AGO3: variants seen among roughly 807,000 people sequenced by gnomAD.
AGO3 encodes the protein argonaute RISC catalytic component 3.
A neutral mutation model predicts 105.5 loss-of-function variants in AGO3; 16 were observed. The observed-to-expected ratio is 0.15, with a 90% CI of 0.10 to 0.23. The LOEUF (loss-of-function observed/expected upper bound fraction) is 0.23. Among genes scored for constraint, AGO3 ranks in the 10% least tolerant of loss-of-function variants. The pLI, the probability that AGO3 is intolerant of heterozygous loss-of-function variation, is 1.00. For synonymous variants in AGO3, 340 were observed against 367.3 expected (o/e 0.93, Z 0.85); for missense variants, 534 against 1,088.0 (o/e 0.49, Z 7.16).
chr1:35,945,213 C>CTTTTCT (rs1646339879), intron 1 of AGO3, among the ~76,000 whole-genome samples: 1 of 145,752 alleles, frequency 6.9e-6, no homozygotes, highest in African/African-American at 2.5e-5. Context: ...CTTTTCTTTT[C>CTTTTCT]TTTTTTTTTT....
rs921282797 is a variant in AGO3 at position 36,055,989 on chromosome 1, C to T, written c.*244C>T. 1.2e-5 allele frequency: 4 copies of T among 338,616 alleles called. No homozygotes were observed. Among genetic ancestry groups the T allele is most frequent in the African/African-American group, 6.3e-5 (3 of 47,358 alleles). 21.0% of individuals were successfully genotyped at this position (338,616 alleles called of 1,614,324 possible). On this transcript the variant is annotated 3_prime_UTR_variant, in exon 19 of 19. Coordinates refer to ENST00000373191, the MANE Select transcript of AGO3 (RefSeq NM_024852.4). The surrounding 1 kb of genome is among the most constrained non-coding windows in gnomAD (Gnocchi z 4.4). Reference sequence around the variant, plus strand: ...TTGTGCGGTCTCCTATAGGAAGTATCGCAATTGTTTTGTTTTCATTTCTTG... The same window carrying T: ...TTGTGCGGTCTCCTATAGGAAGTATTGCAATTGTTTTGTTTTCATTTCTTG...
intron 3 of AGO3, among the ~76,000 whole-genome samples, chr1:35,969,152 A>AT (rs1169328895): frequency 2.0e-5 from 3 of 150,816 alleles, no homozygotes; most frequent in South Asian, 2.1e-4. Flanking sequence ...TAGATTTTTT[A>AT]TTTTTTTTAG....
rs1642925367 is a variant in AGO3 at position 36,056,652 on chromosome 1, C to G, written c.*907C>G. 1 of 151,998 alleles carries G rather than the reference C, an allele frequency of 6.6e-6. No homozygotes were observed. Among genetic ancestry groups the G allele is most frequent in the Admixed American group, 6.6e-5 (1 of 15,246 alleles). The allele number at this position is 151,998 out of a possible 1,614,324, so 9.4% of individuals were successfully genotyped here. A position where few individuals can be genotyped will look rare whatever the true frequency, so the allele number is the denominator to read the frequency against. ...TTCTGTGAGAGTGCGTCTCTCCCCT[C>G]CCACTCAGAACATACATTTACCATT... On this transcript the variant is annotated 3_prime_UTR_variant, in exon 19 of 19. Coordinates refer to ENST00000373191, the MANE Select transcript of AGO3 (RefSeq NM_024852.4).
chr1:35,966,023 C>T (rs1305194666), intron 2 of AGO3, among the ~76,000 whole-genome samples: 2 of 152,032 alleles, frequency 1.3e-5, no homozygotes, highest in Non-Finnish European at 2.9e-5. Context: ...CAGGGTTTCT[C>T]CATGTTGGTC....
chr1:36,034,954 G>A (rs1641939238), intron 13 of AGO3, among the ~76,000 whole-genome samples: 1 of 152,186 alleles, frequency 6.6e-6, no homozygotes, highest in Non-Finnish European at 1.5e-5. Context: ...ACAGGAGGTA[G>A]CTTATTGTGC....
chr1:36,024,224 A>G (rs1249324429), intron 11 of AGO3, among the ~76,000 whole-genome samples: 1 of 146,274 alleles, frequency 6.8e-6, no homozygotes, highest in African/African-American at 2.6e-5. Context: ...CCGCAGCCTT[A>G]ACTTCCCAGG....
At chr1:36,001,964 A>T (rs1411462785) in intron 5 of AGO3, among the ~76,000 whole-genome samples, 1 of 152,238 alleles carries the variant, frequency 6.6e-6, no homozygotes, top group African/African-American at 2.4e-5. Context: ...TGCACTCAGT[A>T]CCAAAAAATG....
Position 36,008,803 on chromosome 1 carries a change from A to G in AGO3, c.881+26A>G. 1 of 1,613,968 alleles carries G rather than the reference A, an allele frequency of 6.2e-7. No individual in the cohort carries two copies. Among genetic ancestry groups the G allele is most frequent in the Admixed American group, 1.7e-5 (1 of 60,022 alleles). On this transcript the variant is annotated intron_variant, in intron 7 of 18. Coordinates refer to ENST00000373191, the MANE Select transcript of AGO3 (RefSeq NM_024852.4). This position sits in a 1 kb window ranked among gnomAD's most constrained non-coding sequence, Gnocchi z 5.1. Reference sequence around the variant, plus strand: ...GTAAGAAAAGTTTGTCAGAGCAGCGATGGTGTGAGGCAGCTTGCTCTAGTT... The same window carrying G: ...GTAAGAAAAGTTTGTCAGAGCAGCGGTGGTGTGAGGCAGCTTGCTCTAGTT...
intron 1 of AGO3, among the ~76,000 whole-genome samples, chr1:35,938,214 C>T (rs569183336): frequency 6.6e-6 from 1 of 152,058 alleles, no homozygotes; most frequent in Non-Finnish European, 1.5e-5. Flanking sequence ...CCAGACCTGA[C>T]CTCAGGTGAT....
chr1:35,981,680 T>C (rs899632688), intron 5 of AGO3, among the ~76,000 whole-genome samples: 4 of 152,226 alleles, frequency 2.6e-5, no homozygotes, highest in African/African-American at 9.7e-5. Context: ...GCCTCACTTG[T>C]AAAAGGGTGG....
chr1:35,936,734 G>C (rs1018289413), intron 1 of AGO3, among the ~76,000 whole-genome samples: 3 of 152,040 alleles, frequency 2.0e-5, no homozygotes, highest in African/African-American at 7.3e-5. Context: ...GACATTTTTA[G>C]ATTAAAAAAA....
upstream of AGO3, chr1:35,931,051 G>A (rs1261938637): frequency 2.9e-5 from 11 of 382,638 alleles, no homozygotes; most frequent in Non-Finnish European, 4.6e-5. Flanking sequence ...CGAGGACGCC[G>A]GGCAAGCCAG....
At chr1:36,023,355 C>T (rs619666) in intron 11 of AGO3, among the ~76,000 whole-genome samples, 109,796 of 152,076 alleles carry the variant, frequency 0.72, 43,384 homozygotes, top group Non-Finnish European at 0.91. Flanking sequence ...TCGGATCCCA[C>T]TTCTGACACC....
chr1:36,033,336 CAAAAA>C (rs80275011), intron 12 of AGO3, among the ~76,000 whole-genome samples: 2 of 125,016 alleles, frequency 1.6e-5, no homozygotes, highest in Admixed American at 1.6e-4. Context: ...GACTCCATCT[CAAAAA>C]AAAAAAAAGA....
At chr1:35,999,296 C>T (rs747304744) in intron 5 of AGO3, among the ~76,000 whole-genome samples, 10 of 152,172 alleles carry the variant, frequency 6.6e-5, no homozygotes, top group Admixed American at 1.3e-4. Flanking sequence ...GCCGAGATTA[C>T]GCCACTGCAC....
intron 3 of AGO3, among the ~76,000 whole-genome samples, chr1:35,970,052 C>G (rs949569996): frequency 3.3e-5 from 5 of 152,112 alleles, no homozygotes; most frequent in African/African-American, 1.2e-4. Flanking sequence ...ACAGGATGTT[C>G]CTGGTTTATT....
At chr1:35,961,226 C>T (rs1646670306) in intron 2 of AGO3, among the ~76,000 whole-genome samples, 1 of 151,948 alleles carries the variant, frequency 6.6e-6, no homozygotes, top group South Asian at 2.1e-4. Context: ...GGTGGGATTA[C>T]ACGTGTGAGC....
intron 5 of AGO3, among the ~76,000 whole-genome samples, chr1:35,981,357 A>G (rs955912911): frequency 3.9e-5 from 6 of 152,134 alleles, no homozygotes; most frequent in Admixed American, 1.3e-4. Context: ...GGAGCAAGAT[A>G]GTTTTCCAGG....
chr1:36,045,218 T>A (rs1642413007), intron 17 of AGO3, among the ~76,000 whole-genome samples: 1 of 151,986 alleles, frequency 6.6e-6, no homozygotes, highest in South Asian at 2.1e-4. Context: ...GAAAAACAGA[T>A]AAACAACTAC....
Sources: allele counts gnomAD v4.1 joint callset (sites outside exome capture counted in the v4.1 genomes callset), GRCh38; gene constraint gnomAD v4.1.1; non-coding constraint Gnocchi (gnomAD v3.1); transcripts MANE v1.5; gene names NCBI Gene and HGNC (gene_info 2026-07-23, HGNC 2026-07-21).